Variants in NKAIN1 observed in about 807,000 individuals in gnomAD.
NKAIN1 encodes the protein sodium/potassium-transporting ATPase subunit beta-1-interacting protein 1.
Under a neutral mutation model 31.6 loss-of-function variants are expected in NKAIN1, and 13 were observed. The observed-to-expected ratio is 0.41, with a 90% CI of 0.27 to 0.65. The LOEUF is 0.65. NKAIN1 is among the 30% of genes least tolerant of loss of function. The pLI is 0.30. For missense variants in NKAIN1, 193 were observed against 262.2 expected, an observed-to-expected ratio of 0.74 and a Z score of 1.82; for synonymous variants, 104 against 109.0, an observed-to-expected ratio of 0.95 and a Z score of 0.28.
At chr1:31,187,220 T>A (rs1194270723) in intron 2 of NKAIN1, among the ~76,000 whole-genome samples, 2 of 152,108 alleles carry the variant, frequency 1.3e-5, no homozygotes, top group African/African-American at 2.4e-5. Flanking sequence ...ATTGTGATTG[T>A]AGGTGTCAAG....
chr1:31,186,100 C>A (rs190395279), intron 2 of NKAIN1, among the ~76,000 whole-genome samples: 4 of 150,786 alleles, frequency 2.7e-5, no homozygotes, highest in Non-Finnish European at 4.4e-5. Flanking sequence ...CAGTGGCTCA[C>A]GCTTGTAATC....
At chr1:31,231,353 T>TTA (rs1553164290) in intron 1 of NKAIN1, among the ~76,000 whole-genome samples, 2 of 150,464 alleles carry the variant, frequency 1.3e-5, no homozygotes, top group African/African-American at 4.9e-5. Context: ...TTTTTTTTTT[T>TTA]AATAGATGCA....
intron 1 of NKAIN1, among the ~76,000 whole-genome samples, chr1:31,238,876 G>T (rs1441125730): frequency 6.6e-6 from 1 of 152,178 alleles, no homozygotes; most frequent in South Asian, 2.1e-4. Flanking sequence ...AGGACTGCCC[G>T]GTCAGGAAGG....
chr1:31,213,277 A>G (rs1424956134), intron 1 of NKAIN1, among the ~76,000 whole-genome samples: 1 of 152,318 alleles, frequency 6.6e-6, no homozygotes, highest in East Asian at 1.9e-4. Flanking sequence ...AAATGGAAAA[A>G]GGATTTGCAA....
At chr1:31,203,707 C>T (rs1326531514) in intron 1 of NKAIN1, among the ~76,000 whole-genome samples, 2 of 151,780 alleles carry the variant, frequency 1.3e-5, no homozygotes, top group Non-Finnish European at 2.9e-5. Flanking sequence ...GCCTCAGCCT[C>T]CTGAGTAGCT....
intron 1 of NKAIN1, among the ~76,000 whole-genome samples, chr1:31,218,939 C>G (rs926780684): frequency 6.6e-6 from 1 of 152,208 alleles, no homozygotes; most frequent in Non-Finnish European, 1.5e-5. Context: ...CAGGCAGTGA[C>G]AGGCTGAGCA....
At chr1:31,229,285 C>T (rs1220062752) in intron 1 of NKAIN1, among the ~76,000 whole-genome samples, 1 of 152,156 alleles carries the variant, frequency 6.6e-6, no homozygotes, top group Non-Finnish European at 1.5e-5. Context: ...GGAAGCTCAC[C>T]TATGGTGAGC....
intron 1 of NKAIN1, among the ~76,000 whole-genome samples, chr1:31,202,372 T>C (rs894910483): frequency 1.3e-5 from 2 of 151,556 alleles, no homozygotes; most frequent in Admixed American, 1.3e-4. Context: ...AGGGGAAGTC[T>C]AAAAAAAAAT....
chr1:31,189,071 C>G (rs2148350341), intron 1 of NKAIN1, among the ~76,000 whole-genome samples: 1 of 151,908 alleles, frequency 6.6e-6, no homozygotes, highest in East Asian at 1.9e-4. Flanking sequence ...ACTTGCTTCA[C>G]TTATAACAAG....
At chr1:31,236,214 C>T (rs1645691395) in intron 1 of NKAIN1, among the ~76,000 whole-genome samples, 1 of 152,096 alleles carries the variant, frequency 6.6e-6, no homozygotes, top group Non-Finnish European at 1.5e-5. Flanking sequence ...AACTTCAGAG[C>T]CTTAACTACT....
chr1:31,217,970 A>C (rs896218833), intron 1 of NKAIN1, among the ~76,000 whole-genome samples: 9 of 152,032 alleles, frequency 5.9e-5, no homozygotes, highest in African/African-American at 2.2e-4. Flanking sequence ...CTGTCCTCTA[A>C]GCACCTAATA....
intron 1 of NKAIN1, among the ~76,000 whole-genome samples, chr1:31,219,462 A>G (rs1011120415): frequency 6.6e-6 from 1 of 152,144 alleles, no homozygotes; most frequent in Non-Finnish European, 1.5e-5. Context: ...GGATGGGGGA[A>G]TCTGGGGTCC....
intron 1 of NKAIN1, among the ~76,000 whole-genome samples, chr1:31,206,926 G>A (rs1268460737): frequency 6.6e-6 from 1 of 152,038 alleles, no homozygotes; most frequent in Non-Finnish European, 1.5e-5. Context: ...GTAGAGATGG[G>A]GTTTCGCCGT....
At chr1:31,237,466 C>A (rs977656112) in intron 1 of NKAIN1, among the ~76,000 whole-genome samples, 1 of 151,924 alleles carries the variant, frequency 6.6e-6, no homozygotes, top group Non-Finnish European at 1.5e-5. Flanking sequence ...AACAGGTTCA[C>A]CTTTGGGGAG....
chr1:31,221,576 C>T (rs1480835017), intron 1 of NKAIN1, among the ~76,000 whole-genome samples: 2 of 151,978 alleles, frequency 1.3e-5, no homozygotes, highest in Non-Finnish European at 2.9e-5. Flanking sequence ...GCTGGGACTA[C>T]AGGCACGCGC....
chr1:31,210,645 G>T (rs979387657), intron 1 of NKAIN1, among the ~76,000 whole-genome samples: 1 of 152,108 alleles, frequency 6.6e-6, no homozygotes, highest in Non-Finnish European at 1.5e-5. Flanking sequence ...CCTAACAGTA[G>T]GTCACTCAAC....
At chr1:31,195,127 T>C (rs1406701779) in intron 1 of NKAIN1, among the ~76,000 whole-genome samples, 1 of 144,602 alleles carries the variant, frequency 6.9e-6, no homozygotes, top group Non-Finnish European at 1.5e-5. Flanking sequence ...CTTCCTCCTT[T>C]TTTTTTTTTT....
chr1:31,190,386 CT>C (rs1488481667), intron 1 of NKAIN1, among the ~76,000 whole-genome samples: 1 of 152,218 alleles, frequency 6.6e-6, no homozygotes, highest in Non-Finnish European at 1.5e-5. Context: ...CTGGATGCTC[CT>C]TGGCAGAAAG....
intron 1 of NKAIN1, among the ~76,000 whole-genome samples, chr1:31,218,546 T>A (rs963626592): frequency 6.6e-6 from 1 of 152,160 alleles, no homozygotes. Flanking sequence ...GTTCACACTT[T>A]TAGGAAGTAA....
Sources: allele counts gnomAD v4.1 joint callset (sites outside exome capture counted in the v4.1 genomes callset), GRCh38; gene constraint gnomAD v4.1.1; transcripts MANE v1.5; gene names NCBI Gene and HGNC (gene_info 2026-07-23, HGNC 2026-07-21).